The following CRADD variants were observed in gnomAD, a reference collection of about 807,000 sequenced individuals.
CRADD encodes the protein death domain-containing protein CRADD.
In CRADD, 9 loss-of-function variants were observed where a neutral mutation model predicts 15.5. The ratio of observed to expected loss-of-function variants is 0.58; its 90% CI spans 0.35 to 1.01. The LOEUF is 1.01. CRADD is among the 50% of genes least tolerant of loss of function. The probability of loss-of-function intolerance (pLI) is 0.02; values close to 1 mark genes in which losing one functional copy is unlikely to be tolerated. For synonymous variants in CRADD, 118 were observed against 107.6 expected (o/e 1.10, Z -0.60); for missense variants, 227 against 250.3 (o/e 0.91, Z 0.63).
intron 2 of CRADD, among the ~76,000 whole-genome samples, chr12:93,709,398 C>T (rs1332496372): frequency 6.6e-6 from 1 of 152,118 alleles, no homozygotes; most frequent in Admixed American, 6.5e-5. Flanking sequence ...CTTTTCTGCT[C>T]CTCTCCCTCT....
chr12:93,795,006 G>A lies in CRADD; in HGVS notation c.299-54964G>A, dbSNP rs191880283. On this transcript the variant is annotated intron_variant, in intron 2 of 2. Coordinates refer to ENST00000332896, the MANE Select transcript of CRADD (RefSeq NM_003805.5). ...GAGAGGTTTGACCTGACCACCCTAT[G>A]TAAAGTATTCATATAACCCCAGGCC... is the stretch of plus-strand genomic sequence containing the variant. Among the ~76,000 whole-genome samples, 30 of 152,244 alleles carry A rather than the reference G, an allele frequency of 2.0e-4. 1 individual carries two copies. The highest frequency in any genetic ancestry group is 7.2e-4 in the African/African-American group (30 of 41,514).
chr12:93,720,600 G>A (rs1956243533), intron 2 of CRADD, among the ~76,000 whole-genome samples: 1 of 152,044 alleles, frequency 6.6e-6, no homozygotes, highest in Admixed American at 6.6e-5. Context: ...TCTGTTGTTA[G>A]GCACATACAC....
intron 2 of CRADD, among the ~76,000 whole-genome samples, chr12:93,741,705 T>A (rs929030044): frequency 2.6e-5 from 4 of 152,220 alleles, no homozygotes; most frequent in African/African-American, 9.6e-5. Context: ...GGTTAGACGA[T>A]GGGCTTTAGA....
intron 2 of CRADD, among the ~76,000 whole-genome samples, chr12:93,691,561 A>G (rs1955574645): frequency 6.6e-6 from 1 of 152,172 alleles, no homozygotes; most frequent in South Asian, 2.1e-4. Flanking sequence ...GCCAATATAA[A>G]GAATTTTTAA....
intron 2 of CRADD, among the ~76,000 whole-genome samples, chr12:93,772,577 T>C (rs1293695078): frequency 6.6e-6 from 1 of 152,264 alleles, no homozygotes; most frequent in Non-Finnish European, 1.5e-5. Context: ...AACAGTGCTT[T>C]TTCAATTAGC....
intron 2 of CRADD, among the ~76,000 whole-genome samples, chr12:93,831,653 G>A (rs1957904170): frequency 6.6e-6 from 1 of 152,220 alleles, no homozygotes; most frequent in African/African-American, 2.4e-5. Flanking sequence ...ATTGTGCTAG[G>A]GGCTAGCTGT....
intron 2 of CRADD, among the ~76,000 whole-genome samples, chr12:93,867,892 A>G (rs1210182675): frequency 6.6e-6 from 1 of 152,218 alleles, no homozygotes; most frequent in Non-Finnish European, 1.5e-5. Flanking sequence ...TTAGGAAATT[A>G]GAAAGAGAAA....
chr12:93,749,708 C>A lies in CRADD; in HGVS notation c.298+70636C>A, dbSNP rs76351231. On this transcript the variant is annotated intron_variant, in intron 2 of 2. Transcript: ENST00000332896. ...TCTCCTGTTATCTGTTTTTTGCTTT[C>A]TATTATGGGTTTTATCTATTTATCT... 7.6e-3 allele frequency among the ~76,000 whole-genome samples: 1,162 copies of A among 152,114 alleles called. 27 individuals carry two copies. Among genetic ancestry groups the A allele is most frequent in the African/African-American group, 0.027 (1,117 of 41,542 alleles).
intron 2 of CRADD, among the ~76,000 whole-genome samples, chr12:93,838,214 G>GTTTTTTTTT (rs66564800): frequency 1.2e-4 from 16 of 130,588 alleles, no homozygotes; most frequent in Admixed American, 2.4e-4. Flanking sequence ...TCCTTTTGAG[G>GTTTTTTTTT]TTTTTTTTTT....
chr12:93,845,472 C>A (rs538397188), intron 2 of CRADD, among the ~76,000 whole-genome samples: 61 of 152,120 alleles, frequency 4.0e-4, no homozygotes, highest in Non-Finnish European at 5.9e-4. Flanking sequence ...ACCTGTAATC[C>A]CAAAACTTTG....
At chr12:93,832,060 AT>A (rs5800117) in intron 2 of CRADD, among the ~76,000 whole-genome samples, 95 of 152,182 alleles carry the variant, frequency 6.2e-4, no homozygotes, top group African/African-American at 2.1e-3. Context: ...TTTATGATTG[AT>A]TTTTTTAACT....
chr12:93,791,439 T>A (rs1957348215), intron 2 of CRADD, among the ~76,000 whole-genome samples: 2 of 152,144 alleles, frequency 1.3e-5, no homozygotes, highest in South Asian at 4.1e-4. Flanking sequence ...GGACAAATAC[T>A]GTGTGATTTC....
chr12:93,886,790 C>T (rs1958540623), intron 2 of CRADD, among the ~76,000 whole-genome samples: 1 of 152,048 alleles, frequency 6.6e-6, no homozygotes, highest in Non-Finnish European at 1.5e-5. Context: ...GGCAACTGCC[C>T]CTGCTAACAG....
chr12:93,820,614 T>G (rs1383025359), intron 2 of CRADD, among the ~76,000 whole-genome samples: 1 of 152,078 alleles, frequency 6.6e-6, no homozygotes, highest in African/African-American at 2.4e-5. Flanking sequence ...GCCAGGACTT[T>G]ATGCAGCCCA....
chr12:93,756,750 C>T (rs1956894704), intron 2 of CRADD, among the ~76,000 whole-genome samples: 1 of 152,210 alleles, frequency 6.6e-6, no homozygotes, highest in South Asian at 2.1e-4. Flanking sequence ...TAAGAGCTTA[C>T]AAGAACATGC....
intron 2 of CRADD, among the ~76,000 whole-genome samples, chr12:93,833,251 A>G (rs562709584): frequency 6.6e-6 from 1 of 152,364 alleles, no homozygotes; most frequent in Non-Finnish European, 1.5e-5. Context: ...ATACCACCCT[A>G]AGCATGTTTG....
At chr12:93,684,976 G>C (rs1955398573) in intron 2 of CRADD, among the ~76,000 whole-genome samples, 1 of 152,216 alleles carries the variant, frequency 6.6e-6, no homozygotes, top group Non-Finnish European at 1.5e-5. Context: ...CCGTGATCTT[G>C]TGTGGCTCGT....
chr12:93,724,243 G>A (rs1444391155), intron 2 of CRADD, among the ~76,000 whole-genome samples: 4 of 152,064 alleles, frequency 2.6e-5, no homozygotes, highest in Non-Finnish European at 5.9e-5. Context: ...AGCTGGGTGT[G>A]TGGTGCATGC....
intron 2 of CRADD, among the ~76,000 whole-genome samples, chr12:93,834,716 C>G (rs1166164349): frequency 6.6e-6 from 1 of 152,122 alleles, no homozygotes; most frequent in East Asian, 1.9e-4. Context: ...TCAAGCTGCC[C>G]ACCTCAGGTG....
Sources: gnomAD v4.1 joint callset for allele counts (sites outside exome capture counted in the v4.1 genomes callset) on GRCh38, gnomAD v4.1.1 for gene constraint, MANE v1.5 for transcripts, NCBI Gene and HGNC (gene_info 2026-07-23, HGNC 2026-07-21) for gene names.